DMD: variants seen among roughly 807,000 people sequenced by gnomAD.
DMD encodes dystrophin, also known as mutant dystrophin.
In DMD, 63 loss-of-function variants were observed where a neutral mutation model predicts 330.1. The ratio of observed to expected loss-of-function variants is 0.19; its 90% CI spans 0.16 to 0.24. DMD has a LOEUF of 0.24. Ranked by LOEUF, DMD falls within the 10% of genes least tolerant of loss-of-function variation. The pLI is 1.00. For synonymous variants in DMD, 1,223 were observed against 959.8 expected (o/e 1.27, Z -5.07); for missense variants, 3,344 against 2,684.1 (o/e 1.25, Z -5.43).
intron 55 of DMD, among the ~76,000 whole-genome samples, chrX:31,599,234 T>A (rs2077239808): frequency 8.9e-6 from 1 of 112,191 alleles, no homozygotes; most frequent in African/African-American, 3.2e-5. Flanking sequence ...CATCCTTGAA[T>A]TCTCCTTAAT....
intron 2 of DMD, among the ~76,000 whole-genome samples, chrX:32,965,097 AGGAGGATGTAGGGTGT>A (rs1163042675): frequency 9.0e-6 from 1 of 111,462 alleles, no homozygotes; most frequent in Non-Finnish European, 1.9e-5. Flanking sequence ...ATGAGGGAGG[AGGAGGATGTAGGGTGT>A]GGAGGAAACA....
At chrX:32,911,275 C>T (rs952736622) in intron 2 of DMD, among the ~76,000 whole-genome samples, 2 of 111,667 alleles carry the variant, frequency 1.8e-5, no homozygotes, top group South Asian at 3.7e-4. Context: ...GTGAAACTGG[C>T]GGTGGGAAAG....
chrX:32,557,381 G>T (rs750907294), intron 16 of DMD, among the ~76,000 whole-genome samples: 2 of 111,824 alleles, frequency 1.8e-5, no homozygotes, highest in South Asian at 7.4e-4. Context: ...TATATAGGAA[G>T]AATTACTCAA....
At chrX:33,019,981 TTAAA>T (rs1259905808) in intron 2 of DMD, among the ~76,000 whole-genome samples, 154 bp downstream of exon 2, 1 of 111,622 alleles carries the variant, frequency 9.0e-6, no homozygotes, top group Non-Finnish European at 1.9e-5. Flanking sequence ...TGCTTACTCC[TTAAA>T]TAAGAGTGAA....
At chrX:32,243,646 G>A (rs182444984) in intron 43 of DMD, among the ~76,000 whole-genome samples, 1 of 111,536 alleles carries the variant, frequency 9.0e-6, no homozygotes, top group Non-Finnish European at 1.9e-5. Context: ...GATGACTTTT[G>A]TGCATCTAGT....
chrX:31,529,058 C>G (rs2073475230), intron 55 of DMD, among the ~76,000 whole-genome samples: 1 of 111,276 alleles, frequency 9.0e-6, no homozygotes, highest in African/African-American at 3.3e-5. Context: ...TCTGTCTCTA[C>G]TAAAAATACA....
At chrX:31,391,299 G>A (rs2060672378) in intron 60 of DMD, among the ~76,000 whole-genome samples, 1 of 109,224 alleles carries the variant, frequency 9.2e-6, no homozygotes, top group Non-Finnish European at 1.9e-5. Context: ...TACAGACAGG[G>A]TTTCACCATG....
At chrX:32,717,107 G>T (rs1413689083) in intron 7 of DMD, among the ~76,000 whole-genome samples, 1 of 111,069 alleles carries the variant, frequency 9.0e-6, no homozygotes, top group Non-Finnish European at 1.9e-5. Context: ...CGGGGTGGTG[G>T]GGGAAATTCA....
At chrX:32,854,469 T>C (rs1477909464) in intron 2 of DMD, among the ~76,000 whole-genome samples, 1 of 109,757 alleles carries the variant, frequency 9.1e-6, no homozygotes, top group African/African-American at 3.3e-5. Context: ...CATAAGGAAG[T>C]TATAAAATTT....
chrX:32,987,061 C>G (rs980974327), intron 2 of DMD, among the ~76,000 whole-genome samples: 1 of 112,356 alleles, frequency 8.9e-6, no homozygotes, highest in African/African-American at 3.2e-5. Context: ...GTCAGGAATG[C>G]AAGACAATTT....
intron 48 of DMD, among the ~76,000 whole-genome samples, chrX:31,840,179 T>A (rs776236100): frequency 4.1e-4 from 46 of 111,912 alleles, no homozygotes; most frequent in African/African-American, 1.5e-3. Context: ...ATTTATACAT[T>A]AAAACCTTTT....
intron 2 of DMD, among the ~76,000 whole-genome samples, chrX:32,862,358 T>G (rs1200615210): frequency 8.9e-6 from 1 of 112,107 alleles, no homozygotes; most frequent in Non-Finnish European, 1.9e-5. Context: ...GCATTCGAAC[T>G]TTAAATAGGA....
intron 43 of DMD, among the ~76,000 whole-genome samples, chrX:32,230,119 AT>A (rs2097163524): frequency 8.9e-6 from 1 of 111,980 alleles, no homozygotes; most frequent in Non-Finnish European, 1.9e-5. Flanking sequence ...GTGCCAAAAA[AT>A]AATGTTGCAC....
intron 44 of DMD, among the ~76,000 whole-genome samples, chrX:32,187,587 T>C (rs992622471): frequency 8.9e-6 from 1 of 111,904 alleles, no homozygotes; most frequent in African/African-American, 3.2e-5. Context: ...CAAGTTAGTT[T>C]CTGCTATTGA....
At chrX:31,477,626 T>C (rs2067884328) in intron 59 of DMD, among the ~76,000 whole-genome samples, 1 of 111,315 alleles carries the variant, frequency 9.0e-6, no homozygotes, top group South Asian at 3.9e-4. Flanking sequence ...ATTACAAATG[T>C]TGCCTTCCAA....
At chrX:31,803,676 T>TTCTCTCTC (rs747729240) in intron 50 of DMD, among the ~76,000 whole-genome samples, 96 of 87,795 alleles carry the variant, frequency 1.1e-3, no homozygotes, top group African/African-American at 4.0e-3. Flanking sequence ...CTTTCTCTGT[T>TTCTCTCTC]TCTCTCTCTC....
At chrX:32,906,137 T>C (rs2086707572) in intron 2 of DMD, among the ~76,000 whole-genome samples, 1 of 111,941 alleles carries the variant, frequency 8.9e-6, no homozygotes, top group Non-Finnish European at 1.9e-5. Flanking sequence ...AGGTGGGGCC[T>C]GGTGGCAGGT....
At chrX:31,545,850 T>A in intron 55 of DMD, among the ~76,000 whole-genome samples, 2 of 112,072 alleles carry the variant, frequency 1.8e-5, no homozygotes, top group Middle Eastern at 4.6e-3. Context: ...CTGTCCTAAA[T>A]AAGTCCAGTG....
chrX:32,684,158 C>T (rs1416006825), intron 9 of DMD, among the ~76,000 whole-genome samples: 1 of 108,780 alleles, frequency 9.2e-6, no homozygotes, highest in Non-Finnish European at 1.9e-5. Context: ...TGTATAACTT[C>T]GAATAGAACA....
Sources: allele counts gnomAD v4.1 joint callset (sites outside exome capture counted in the v4.1 genomes callset), GRCh38; gene constraint gnomAD v4.1.1; transcripts MANE v1.5; gene names NCBI Gene and HGNC (gene_info 2026-07-23, HGNC 2026-07-21).